Variants in OPLAH observed in about 807,000 individuals in gnomAD.
The protein encoded by OPLAH is 5-oxoprolinase.
OPLAH carries 103 observed loss-of-function variants against 122.8 expected under a neutral mutation model. That is an observed-to-expected ratio of 0.84 (90% CI 0.71 to 0.99). The LOEUF (loss-of-function observed/expected upper bound fraction) is 0.99, where lower values mean the gene tolerates loss of function less well. OPLAH is among the 50% of genes least tolerant of loss of function. The pLI, the probability that OPLAH is intolerant of heterozygous loss-of-function variation, is 0.00. For synonymous variants in OPLAH, 875 were observed against 796.0 expected (o/e 1.10, Z -1.67); for missense variants, 1,902 against 1,836.5 (o/e 1.04, Z -0.65).
Position 144,053,306 on chromosome 8 carries a change from G to C in OPLAH, c.2774C>G (p.Ala925Gly). Residue 925 changes from alanine to glycine, a missense_variant, in exon 20 of 27, where the codon GCC (alanine) becomes GGC (glycine). Around this residue, in one of 3 missense-constraint regions of OPLAH, gnomAD observed 1,726 missense variants for 1,642.1 expected, o/e 1.05. Coordinates refer to ENST00000618853, the MANE Select transcript of OPLAH (RefSeq NM_017570.5). ...GCCCTTCTGGTTGGCTGCCACCTGG[G>C]CACGGAGGTCCGACAGGTTGTCGTG... Reference protein sequence around the residue: ...NLHDNLSDLRAQVAANQKGIQ... With the variant: ...NLHDNLSDLRGQVAANQKGIQ... The C allele has an allele frequency of 6.2e-7, 1 of 1,613,024 alleles. No individual in the cohort carries two copies. The highest frequency in any genetic ancestry group is 1.3e-5 in the African/African-American group (1 of 75,036).
chr8:144,063,258 A>G (rs1272785801), upstream of OPLAH, among the ~76,000 whole-genome samples: 1 of 151,104 alleles, frequency 6.6e-6, no homozygotes, highest in Non-Finnish European at 1.5e-5. This position sits in a 1 kb window ranked among gnomAD's most constrained non-coding sequence, Gnocchi z 4.2. Context: ...CCCCAGCCCC[A>G]TTCTCATCCC....
In OPLAH at chr8:144,055,481, T is replaced by C. The variant is rs1554758762; in HGVS notation, c.2249-292A>G. Among the ~76,000 whole-genome samples, 2 of 151,848 alleles carry C rather than the reference T, an allele frequency of 1.3e-5. No individual in the cohort carries two copies. The highest frequency in any genetic ancestry group is 4.8e-5 in the African/African-American group (2 of 41,312). On this transcript the variant is annotated intron_variant, in intron 16 of 26. Transcript: ENST00000618853. This position sits in a 1 kb window ranked among gnomAD's most constrained non-coding sequence, Gnocchi z 6.5. ...GAACCTGGTTCCTAGGCTCTTGACC[T>C]CTGGGCTCCCAGCAAGCCGCTGGCC...
rs533851204 is a variant in OPLAH at position 144,052,337 on chromosome 8, C to T, written c.3304-11G>A. The T allele has an allele frequency of 7.9e-6, 12 of 1,514,950 alleles. No individual in the cohort carries two copies. The South Asian group carries it at 1.5e-4, about 19-fold the overall frequency. The allele number at this position is 1,514,950 out of a possible 1,614,324, so 93.8% of individuals were successfully genotyped here. On this transcript the variant is annotated splice_polypyrimidine_tract_variant and intron_variant, in intron 23 of 26. Transcript: ENST00000618853. ...GTTGTTCATGCAGCCCTGGTGAGGGCACCTGGTCGCTGCGCTGGGCTGGGG... is the reference window on the plus strand; with the variant it reads ...GTTGTTCATGCAGCCCTGGTGAGGGTACCTGGTCGCTGCGCTGGGCTGGGG...
In OPLAH at chr8:144,059,758, C is replaced by A. The variant is rs141015149; in HGVS notation, c.204G>T (p.Pro68=). Residue 68 remains proline (P), a synonymous_variant, in exon 3 of 27, where the codon CCG becomes CCT. Transcript: ENST00000618853. ...TGCTGGCGATATGACTGGAGTCCAG[C>A]GGCTGGTCCCGGGGCAGGAGCATGC... is the stretch of plus-strand genomic sequence containing the variant. ...EAGMLLPRDQ[P]LDSSHIASIR... 3.7e-6 allele frequency: 6 copies of A among 1,609,042 alleles called. No individual in the cohort carries two copies. The highest frequency in any genetic ancestry group is 5.1e-6 in the Non-Finnish European group (6 of 1,179,238).
rs782710158 is a variant in OPLAH, at chr8:144,056,540, G to A, written c.1845-17C>T. 3 of 1,612,234 alleles carry A rather than the reference G, an allele frequency of 1.9e-6. No homozygotes were observed. On this transcript the variant is annotated splice_polypyrimidine_tract_variant and intron_variant, in intron 13 of 26. Transcript: ENST00000618853. Reference sequence around the variant, plus strand: ...CTCATGTACCTGCACTCCCCGCGGGGACCCAAGGAGTGGTCAGAGTGAGGC... The same window carrying A: ...CTCATGTACCTGCACTCCCCGCGGGAACCCAAGGAGTGGTCAGAGTGAGGC...
chr8:144,059,411 C>T (rs1835613000), intron 3 of OPLAH, among the ~76,000 whole-genome samples, 188 bp downstream of exon 3: 1 of 152,234 alleles, frequency 6.6e-6, no homozygotes. Context: ...CAGGCAGGAA[C>T]AGGGCATCCT....
Position 144,052,009 on chromosome 8 carries a change from C to T in OPLAH, c.3529G>A (p.Gly1177Ser), listed in dbSNP as rs782028423. 6.3e-7 allele frequency: 1 copy of T among 1,588,918 alleles called. No homozygotes were observed. Among genetic ancestry groups the T allele is most frequent in the South Asian group, 1.1e-5 (1 of 90,278 alleles). The change falls in exon 25 of 27, where the codon GGC (glycine) becomes AGC (serine). Residue 1177 changes from glycine to serine, a missense_variant. This residue lies in a region of OPLAH where 1,726 missense variants were observed against 1,642.1 expected (regional missense o/e 1.05). Transcript: ENST00000618853. ...GSGGRGRFRG[G>S]DGVTRELLFR... is the part of the protein sequence containing the mutation. ...AGCAGCTCGCGGGTGACGCCGTCGCCGCCTCGGAAGCGGCCTCTGCCCCCC... is the reference window on the plus strand; with the variant it reads ...AGCAGCTCGCGGGTGACGCCGTCGCTGCCTCGGAAGCGGCCTCTGCCCCCC...
At position 144,058,338 on chromosome 8, in the gene OPLAH, T is replaced by G. The variant is rs3935209; in HGVS notation, c.850A>C (p.Ser284Arg). Residue 284 changes from serine to arginine, a missense_variant, in exon 7 of 27, where the codon AGT becomes CGT. By Grantham distance (110) the Ser-to-Arg change is moderately radical. Transcript: ENST00000618853. The stretch of plus-strand genomic sequence containing the variant: ...CCGGCCGGGCCCGAGAGCACAGCAC[T>G]GGAGCCGCTGAAGGTGTCCATGGGC... Reference protein sequence around the residue: ...LAPMDTFSGSSAVLSGPAGGV... With the variant: ...LAPMDTFSGSRAVLSGPAGGV... 159,084 of 1,597,704 alleles carry G rather than the reference T, an allele frequency of 0.1. 16,584 individuals carry two copies. The highest frequency in any genetic ancestry group is 0.55 in the African/African-American group (41,332 of 74,682).
rs373182439 is a variant in OPLAH at position 144,055,979 on chromosome 8, C to T, written c.2097-40G>A. ...GCACAGAGGGCTGCATGGGGCCAGG[C>T]GACACCCCTCCAACCAGAGATGCCA... is the stretch of plus-strand genomic sequence containing the variant. On this transcript the variant is annotated intron_variant, in intron 15 of 26. Coordinates refer to ENST00000618853, the MANE Select transcript of OPLAH (RefSeq NM_017570.5). This position sits in a 1 kb window ranked among gnomAD's most constrained non-coding sequence, Gnocchi z 6.5. 30 of 1,513,790 alleles carry T rather than the reference C, an allele frequency of 2.0e-5. No homozygotes were observed. The highest frequency in any genetic ancestry group is 3.8e-4 in the Middle Eastern group (2 of 5,228). 93.8% of individuals were successfully genotyped at this position (1,513,790 alleles called of 1,614,324 possible). A position where few individuals can be genotyped will look rare whatever the true frequency, so the allele number is the denominator to read the frequency against.
At position 144,055,966 on chromosome 8, in the gene OPLAH, G is replaced by T. The variant is rs782120666; in HGVS notation, c.2097-27C>A. On this transcript the variant is annotated intron_variant, in intron 15 of 26. Coordinates refer to ENST00000618853, the MANE Select transcript of OPLAH (RefSeq NM_017570.5). This position sits in a 1 kb window ranked among gnomAD's most constrained non-coding sequence, Gnocchi z 6.5. The stretch of plus-strand genomic sequence containing the variant: ...TGGGGAGCAGAGGGCACAGAGGGCT[G>T]CATGGGGCCAGGCGACACCCCTCCA... 3.9e-6 allele frequency: 6 copies of T among 1,538,042 alleles called. No individual in the cohort carries two copies. The Admixed American group carries it at 7.9e-5, about 20-fold the overall frequency.
Position 144,052,081 on chromosome 8 carries a change from G to C in OPLAH, c.3462-5C>G, listed in dbSNP as rs781974359. 1 of 1,578,848 alleles carries C rather than the reference G, an allele frequency of 6.3e-7. No individual in the cohort carries two copies. Among genetic ancestry groups the C allele is most frequent in the Non-Finnish European group, 8.6e-7 (1 of 1,169,326 alleles). ...CGGCGCAGGATGACCGGGTACCTGCGAGGGCGAGGACGAGGGCAAAGACTC... is the reference window on the plus strand; with the variant it reads ...CGGCGCAGGATGACCGGGTACCTGCCAGGGCGAGGACGAGGGCAAAGACTC... On this transcript the variant is annotated splice_polypyrimidine_tract_variant and splice_region_variant and intron_variant, in intron 24 of 26. Transcript: ENST00000618853.
rs2129744375 is a variant in OPLAH at position 144,052,071 on chromosome 8, G to A, written c.3467C>T (p.Pro1156Leu). Residue 1156 changes from proline to leucine, a missense_variant, in exon 25 of 27, where the codon CCG becomes CTG. Coordinates refer to ENST00000618853, the MANE Select transcript of OPLAH (RefSeq NM_017570.5). ...CAGCTCGAAGCGGCGCAGGATGACC[G>A]GGTACCTGCGAGGGCGAGGACGAGG... is the stretch of plus-strand genomic sequence containing the variant. The part of the protein sequence containing the change: ...TDPEILESRY[P>L]VILRRFELRR... The A allele has an allele frequency of 1.9e-6, 3 of 1,582,310 alleles. No individual in the cohort carries two copies. In the East Asian group the frequency reaches 6.9e-5, roughly 36 times the overall value.
rs376513157 is a variant in OPLAH at position 144,057,871 on chromosome 8, C to T, written c.1141G>A (p.Ala381Thr). 11 of 1,611,600 alleles carry T rather than the reference C, an allele frequency of 6.8e-6. No individual in the cohort carries two copies. Among genetic ancestry groups the T allele is most frequent in the African/African-American group, 1.3e-5 (1 of 74,888 alleles). ...TGACTCTTACCTTTGCGGTAGCAGG[C>T]GGGTCCTGGGTGGGCTCCTGCTGAC... The part of the protein sequence containing the change: ...PESAGAHPGP[A>T]CYRKGGPVTV... The change falls in exon 9 of 27, where the codon GCC (alanine) becomes ACC (threonine). Residue 381 changes from alanine (A) to threonine (T), a missense_variant. Around this residue, in one of 3 missense-constraint regions of OPLAH, gnomAD observed 1,726 missense variants for 1,642.1 expected, o/e 1.05. Transcript: ENST00000618853.
intron 15 of OPLAH, 43 bp downstream of exon 15, chr8:144,056,104 T>A (rs1835506901): frequency 6.4e-7 from 1 of 1,572,786 alleles, no homozygotes; most frequent in African/African-American, 1.3e-5. Flanking sequence ...GGCCCCGCAG[T>A]GGACCCGTCC....
intron 26 of OPLAH, 77 bp downstream of exon 26, chr8:144,051,652 G>A (rs1835378259): frequency 1.6e-6 from 2 of 1,282,480 alleles, no homozygotes; most frequent in African/African-American, 3.0e-5. Flanking sequence ...GGTCAGGTCT[G>A]CAACTGTTCC....
rs1587562602 is a variant in OPLAH, at chr8:144,057,479, G to T, written c.1391C>A (p.Ala464Asp). 1 of 1,593,116 alleles carries T rather than the reference G, an allele frequency of 6.3e-7. No individual in the cohort carries two copies. Among genetic ancestry groups the T allele is most frequent in the Non-Finnish European group, 8.5e-7 (1 of 1,170,428 alleles). ...GAGTGCACGGATGGGCCGGCACATGGCCTCGTTGGCCACGCGCACGAACCC... is the reference window on the plus strand; with the variant it reads ...GAGTGCACGGATGGGCCGGCACATGTCCTCGTTGGCCACGCGCACGAACCC... ...AMGFVRVANEAMCRPIRALTQ... is the reference protein window; with the variant it reads ...AMGFVRVANEDMCRPIRALTQ... Residue 464 changes from alanine to aspartate, a missense_variant, in exon 10 of 27, where the codon GCC (alanine) becomes GAC (aspartate). Physicochemically the swap from Ala to Asp is moderately radical, Grantham distance 126. Transcript: ENST00000618853.
chr8:144,051,719 C>T lies in OPLAH; in HGVS notation c.3720+10G>A, dbSNP rs1554757688. On this transcript the variant is annotated intron_variant, in intron 26 of 26. Coordinates refer to ENST00000618853, the MANE Select transcript of OPLAH (RefSeq NM_017570.5). ...GAGGGGAGGGGGACAGGACAGGCCG[C>T]GGCCCTTACCCCGGGGTACACGGTC... is the stretch of plus-strand genomic sequence containing the variant. 9.4e-6 allele frequency: 15 copies of T among 1,589,440 alleles called. No homozygotes were observed. Among genetic ancestry groups the T allele is most frequent in the Non-Finnish European group, 1.2e-5 (14 of 1,170,536 alleles).
At chr8:144,051,250 GACTCGGAGCACGA>G, downstream of OPLAH, 1 of 1,588,266 alleles carries the variant, frequency 6.3e-7, no homozygotes, top group Non-Finnish European at 8.5e-7. Flanking sequence ...GCACAGACAC[GACTCGGAGCACGA>G]ACTAGGCGCC....
At position 144,058,567 on chromosome 8, in the gene OPLAH, C is replaced by T. The variant is rs781870072; in HGVS notation, c.712G>A (p.Asp238Asn). The change falls in exon 6 of 27, where the codon GAC (aspartate) becomes AAC (asparagine). Residue 238 changes from aspartate (D) to asparagine (N), a missense_variant. Around this residue, in one of 3 missense-constraint regions of OPLAH, gnomAD observed 1,726 missense variants for 1,642.1 expected, o/e 1.05. Coordinates refer to ENST00000618853, the MANE Select transcript of OPLAH (RefSeq NM_017570.5). ...IVPRGHTACA[D>N]AYLTPAIQRY... ...TGGATGGCGGGCGTGAGGTAGGCGT[C>T]GGCACAGGCCGTGTGCCCCCGAGGG... 8.7e-6 allele frequency: 14 copies of T among 1,601,366 alleles called. No individual in the cohort carries two copies. The highest frequency in any genetic ancestry group is 2.7e-5 in the African/African-American group (2 of 74,916).
Sources: gnomAD v4.1 joint callset for allele counts (sites outside exome capture counted in the v4.1 genomes callset) on GRCh38, gnomAD v4.1.1 for gene constraint, gnomAD v4.1.1 regional missense constraint, Gnocchi (gnomAD v3.1) non-coding constraint, MANE v1.5 for transcripts, NCBI Gene and HGNC (gene_info 2026-07-23, HGNC 2026-07-21) for gene names.